Variants in NUFIP1 observed in about 807,000 individuals in gnomAD.
NUFIP1 encodes FMR1-interacting protein NUFIP1.
A neutral mutation model predicts 56.2 loss-of-function variants in NUFIP1; 38 were observed. That is an observed-to-expected ratio of 0.68 (90% CI 0.52 to 0.89). The LOEUF is 0.89. Ranked by LOEUF, NUFIP1 falls within the 40% of genes least tolerant of loss-of-function variation. NUFIP1 has a pLI of 0.00. For missense variants in NUFIP1, 567 were observed against 605.8 expected (o/e 0.94, Z 0.67); for synonymous variants, 215 against 212.4 (o/e 1.01, Z -0.10).
chr13:44,966,265 T>A (rs1053588361), intron 5 of NUFIP1, among the ~76,000 whole-genome samples: 12 of 152,238 alleles, frequency 7.9e-5, no homozygotes, highest in East Asian at 5.8e-4. Flanking sequence ...GTAAAAAAAA[T>A]TTTTAAGTCT....
chr13:44,989,403 T>G lies in NUFIP1; in HGVS notation c.34A>C (p.Ile12Leu). The G allele has an allele frequency of 6.2e-7, 1 of 1,613,618 alleles. No homozygotes were observed. Among genetic ancestry groups the G allele is most frequent in the Non-Finnish European group, 8.5e-7 (1 of 1,179,866 alleles). The change falls in exon 1 of 10, where the codon ATC (isoleucine) becomes CTC (leucine). Residue 12 changes from isoleucine to leucine, a missense_variant. Physicochemically the swap from Ile to Leu is conservative, Grantham distance 5. Transcript: ENST00000379161. ...AEPTSDFETP[I>L]GWHASPELTP... ...AGCTCGGGAGACGCATGCCACCCGA[T>G]AGGAGTCTCGAAATCACTAGTCGGC...
chr13:44,979,026 T>C (rs1872087330), intron 5 of NUFIP1, among the ~76,000 whole-genome samples, 164 bp downstream of exon 5: 1 of 152,354 alleles, frequency 6.6e-6, no homozygotes, highest in Admixed American at 6.5e-5. Context: ...TGAAGAGTTC[T>C]TATTAGGTCT....
At position 44,980,559 on chromosome 13, in the gene NUFIP1, C is replaced by T. The variant is rs528687464; in HGVS notation, c.594+163G>A. Among the ~76,000 whole-genome samples the T allele has an allele frequency of 3.3e-5, 5 of 152,312 alleles. No individual in the cohort carries two copies. In the South Asian group the frequency reaches 1.0e-3, roughly 32 times the overall value. On this transcript the variant is annotated intron_variant, in intron 3 of 9. Coordinates refer to ENST00000379161, the MANE Select transcript of NUFIP1 (RefSeq NM_012345.3). ...CGTCCCTGAAGCAGCGGGATCCCCA[C>T]TTTCAAACCCCAGGGTCACTGCCCC...
At chr13:44,969,664 T>C (rs922505932) in intron 5 of NUFIP1, among the ~76,000 whole-genome samples, 2 of 152,216 alleles carry the variant, frequency 1.3e-5, no homozygotes, top group Non-Finnish European at 2.9e-5. Flanking sequence ...TTTTTACCTC[T>C]TCTTCACCTT....
chr13:44,949,962 A>G (rs186736976), intron 7 of NUFIP1, 124 bp from the exon 8 acceptor site: 2 of 709,334 alleles, frequency 2.8e-6, no homozygotes, highest in East Asian at 2.7e-5. Context: ...TTTCCAAAAG[A>G]CTAATTCTAG....
intron 8 of NUFIP1, among the ~76,000 whole-genome samples, chr13:44,944,807 CA>C (rs1870858184): frequency 6.6e-6 from 1 of 151,808 alleles, no homozygotes; most frequent in Admixed American, 6.6e-5. Context: ...CTAAATAATC[CA>C]AGAGTTAAAG....
chr13:44,976,355 A>AAGG (rs144168367), intron 5 of NUFIP1, among the ~76,000 whole-genome samples: 4 of 151,350 alleles, frequency 2.6e-5, no homozygotes, highest in Admixed American at 6.6e-5. Flanking sequence ...AGAAAGGAGA[A>AAGG]AGGAGGAGGA....
chr13:44,943,366 A>G, intron 9 of NUFIP1, 76 bp downstream of exon 9: 1 of 1,237,868 alleles, frequency 8.1e-7, no homozygotes, highest in South Asian at 1.3e-5. Flanking sequence ...ACACACACAC[A>G]CACACACACA....
At chr13:44,979,336 T>TTTC (rs1872101535) in intron 4 of NUFIP1, 70 bp from the exon 5 acceptor site, 2 of 1,229,702 alleles carry the variant, frequency 1.6e-6, no homozygotes, top group African/African-American at 3.0e-5. Context: ...GGAGACTTTG[T>TTTC]TTCTACAAGT....
At position 44,960,151 on chromosome 13, in the gene NUFIP1, C is replaced by T. The variant is rs539060484; in HGVS notation, c.828-577G>A. Among the ~76,000 whole-genome samples, 4 of 152,122 alleles carry T rather than the reference C, an allele frequency of 2.6e-5. No homozygotes were observed. The East Asian group carries it at 5.8e-4, about 22-fold the overall frequency. ...TTCACCATGTTGGCCAGGATGGTCT[C>T]GATCTTCTGACCTCGTGATCTGCCC... is the stretch of plus-strand genomic sequence containing the variant. On this transcript the variant is annotated intron_variant, in intron 6 of 9. Transcript: ENST00000379161.
intron 6 of NUFIP1, among the ~76,000 whole-genome samples, chr13:44,961,775 C>T (rs1008792292): frequency 6.6e-5 from 10 of 152,182 alleles, no homozygotes; most frequent in Admixed American, 5.9e-4. Flanking sequence ...CTCCCATTCA[C>T]GGATGCCTTC....
chr13:44,949,928 T>C, intron 7 of NUFIP1, 90 bp from the exon 8 acceptor site: 1 of 823,410 alleles, frequency 1.2e-6, no homozygotes, highest in Middle Eastern at 2.2e-4. Flanking sequence ...GAAAATTAAG[T>C]AATTTCTGAT....
At chr13:44,986,677 G>A (rs944363993) in intron 1 of NUFIP1, among the ~76,000 whole-genome samples, 15 of 140,730 alleles carry the variant, frequency 1.1e-4, no homozygotes, top group East Asian at 2.1e-4. Context: ...GGGCAACAGA[G>A]CAAGACTCCA....
intron 8 of NUFIP1, among the ~76,000 whole-genome samples, chr13:44,947,945 T>C (rs1870950279): frequency 6.6e-6 from 1 of 152,170 alleles, no homozygotes; most frequent in Admixed American, 6.5e-5. Context: ...TTCAAGTAGC[T>C]ATTAAGAAGC....
Position 44,941,073 on chromosome 13 carries a change from A to G in NUFIP1, c.*133T>C. The G allele has an allele frequency of 1.8e-6, 1 of 555,568 alleles. No homozygotes were observed. The highest frequency in any genetic ancestry group is 3.3e-6 in the Non-Finnish European group (1 of 307,628). 34.4% of individuals were successfully genotyped at this position (555,568 alleles called of 1,614,324 possible). On this transcript the variant is annotated 3_prime_UTR_variant, in exon 10 of 10. Coordinates refer to ENST00000379161, the MANE Select transcript of NUFIP1 (RefSeq NM_012345.3). ...ACCAAAGGAAAGACTTAAAATTCCA[A>G]CATACATCCTACGAGGCTTACAATT...
intron 4 of NUFIP1, 82 bp from the exon 5 acceptor site, chr13:44,979,348 A>C (rs1872101771): frequency 2.7e-6 from 3 of 1,121,932 alleles, no homozygotes; most frequent in African/African-American, 1.6e-5. Flanking sequence ...TCTACAAGTA[A>C]ACTTATGTTG....
At chr13:44,968,863 G>A (rs1281668373) in intron 5 of NUFIP1, among the ~76,000 whole-genome samples, 1 of 152,216 alleles carries the variant, frequency 6.6e-6, no homozygotes, top group African/African-American at 2.4e-5. Context: ...GTTATAGCAA[G>A]TGGATTTTAG....
intron 7 of NUFIP1, among the ~76,000 whole-genome samples, chr13:44,951,637 T>A (rs79122792): frequency 6.6e-6 from 1 of 152,352 alleles, no homozygotes; most frequent in Non-Finnish European, 1.5e-5. Context: ...TTATTTGATA[T>A]GCAATCATAC....
At position 44,943,456 on chromosome 13, in the gene NUFIP1, A is replaced by G. The variant is rs749889940; in HGVS notation, c.1357T>C (p.Tyr453His). ...AAATAATTTACCATTTCCAAGAGATATGGATGGTGTGTTCTTGGTTCGAAT... is the reference window on the plus strand; with the variant it reads ...AAATAATTTACCATTTCCAAGAGATGTGGATGGTGTGTTCTTGGTTCGAAT... ...TLFEPRTHHP[Y>H]LLEMLLAPDI... Residue 453 changes from tyrosine (Y) to histidine (H), a missense_variant, in exon 9 of 10, where the codon TAT (tyrosine) becomes CAT (histidine). Transcript: ENST00000379161. 1 of 1,613,422 alleles carries G rather than the reference A, an allele frequency of 6.2e-7. No individual in the cohort carries two copies. The highest frequency in any genetic ancestry group is 1.7e-5 in the Admixed American group (1 of 59,944).
Sources: gnomAD v4.1 joint callset for allele counts (sites outside exome capture counted in the v4.1 genomes callset) on GRCh38, gnomAD v4.1.1 for gene constraint, MANE v1.5 for transcripts, NCBI Gene and HGNC (gene_info 2026-07-23, HGNC 2026-07-21) for gene names.